The following CFAP20DC variants were observed in gnomAD, a reference collection of about 807,000 sequenced individuals.
CFAP20DC encodes the protein protein CFAP20DC.
In CFAP20DC, 84 loss-of-function variants were observed where a neutral mutation model predicts 101.7. That is an observed-to-expected ratio of 0.83 (90% confidence interval 0.69 to 0.99). The LOEUF is 0.99. CFAP20DC is among the 50% of genes least tolerant of loss of function. The probability of loss-of-function intolerance (pLI) is 0.00; values close to 1 mark genes in which losing one functional copy is unlikely to be tolerated. For synonymous variants in CFAP20DC, 359 were observed against 351.2 expected (o/e 1.02, Z -0.25); for missense variants, 1,007 against 970.3 (o/e 1.04, Z -0.50).
At chr3:58,772,051 G>T (rs964157764) in intron 15 of CFAP20DC, among the ~76,000 whole-genome samples, 3 of 152,130 alleles carry the variant, frequency 2.0e-5, no homozygotes, top group African/African-American at 7.2e-5. Context: ...AACTAAGAAG[G>T]CAGAGAAAGT....
intron 4 of CFAP20DC, among the ~76,000 whole-genome samples, chr3:58,957,349 T>C (rs2090727125): frequency 6.6e-6 from 1 of 152,094 alleles, no homozygotes. Context: ...AGATAGGCAA[T>C]AACAAATGCT....
At position 58,829,888 on chromosome 3, in the gene CFAP20DC, C is replaced by T. The variant is rs1175429385; in HGVS notation, c.2175+1798G>A. 2.0e-5 allele frequency among the ~76,000 whole-genome samples: 3 copies of T among 152,120 alleles called. No homozygotes were observed. In the South Asian group the frequency reaches 6.2e-4, roughly 32 times the overall value. ...AAGCTACTTCATGACAGAATCAGCT[C>T]GATCAGGAGGCCACTGTTCTCTTTC... is the stretch of plus-strand genomic sequence containing the variant. On this transcript the variant is annotated intron_variant, in intron 14 of 16. Coordinates refer to ENST00000482387, the MANE Select transcript of CFAP20DC (RefSeq NM_001394063.1).
At chr3:59,030,490 T>A (rs997163652) in intron 4 of CFAP20DC, among the ~76,000 whole-genome samples, 1 of 152,258 alleles carries the variant, frequency 6.6e-6, no homozygotes, top group Non-Finnish European at 1.5e-5. Flanking sequence ...CCCCATGTTA[T>A]TTAATAATTT....
intron 16 of CFAP20DC, among the ~76,000 whole-genome samples, chr3:58,743,899 C>T (rs2068022070): frequency 6.6e-6 from 1 of 152,168 alleles, no homozygotes; most frequent in African/African-American, 2.4e-5. Context: ...TTTCTCCTAA[C>T]CATCCAAAAA....
At position 58,913,792 on chromosome 3, in the gene CFAP20DC, C is replaced by A; in HGVS notation, c.466G>T (p.Asp156Tyr). Residue 156 changes from aspartate to tyrosine, a missense_variant, in exon 6 of 17, where the codon GAT becomes TAT. Asp to Tyr is a radical substitution (Grantham distance 160). Transcript: ENST00000482387. The surrounding 1 kb of genome is among the most constrained non-coding windows in gnomAD (Gnocchi z 4.4). The stretch of plus-strand genomic sequence containing the variant: ...CAGTTAGCTGAGACAACAATTCCAT[C>A]CAATGACTGGAAAACTGCCCCCTTG... The part of the protein sequence containing the change: ...IFKGAVFQSL[D>Y]GIVVSANCKL... 3.1e-6 allele frequency: 5 copies of A among 1,613,678 alleles called. No individual in the cohort carries two copies. Among genetic ancestry groups the A allele is most frequent in the Non-Finnish European group, 4.2e-6 (5 of 1,179,756 alleles).
In CFAP20DC at chr3:58,884,586, T is replaced by A; in HGVS notation, c.674A>T (p.Glu225Val). 6.2e-7 allele frequency: 1 copy of A among 1,614,040 alleles called. No homozygotes were observed. The highest frequency in any genetic ancestry group is 8.5e-7 in the Non-Finnish European group (1 of 1,179,916). ...TAGAGGATGGCCTCCGAATTTTATT[T>A]CAGTTTGGCGAAGTTTAGTCATGTT... is the stretch of plus-strand genomic sequence containing the variant. ...LLNMTKLRQT[E>V]IKFGGHPLRS... The change falls in exon 7 of 17, where the codon GAA (glutamate) becomes GTA (valine). Residue 225 changes from glutamate to valine, a missense_variant. Physicochemically the swap from Glu to Val is moderately radical, Grantham distance 121. Transcript: ENST00000482387.
chr3:58,731,612 T>C (rs565007669), intron 3 of CFAP20DC, among the ~76,000 whole-genome samples: 5 of 152,240 alleles, frequency 3.3e-5, no homozygotes, highest in Admixed American at 6.5e-5. Context: ...ATTAAATTCA[T>C]AGGTAATAAG....
intron 15 of CFAP20DC, among the ~76,000 whole-genome samples, chr3:58,761,841 G>A (rs1004063907): frequency 1.3e-5 from 2 of 152,140 alleles, no homozygotes; most frequent in African/African-American, 4.8e-5. Context: ...ATGTAGTTGA[G>A]CGGTTTTGAG....
intron 4 of CFAP20DC, among the ~76,000 whole-genome samples, chr3:58,952,610 A>G (rs536228099): frequency 4.6e-4 from 70 of 151,922 alleles, no homozygotes; most frequent in African/African-American, 1.5e-3. Context: ...CAATGTCCCA[A>G]CCTCCTTACT....
chr3:58,975,470 G>C (rs1478255334), intron 4 of CFAP20DC, among the ~76,000 whole-genome samples: 1 of 151,978 alleles, frequency 6.6e-6, no homozygotes, highest in Non-Finnish European at 1.5e-5. Flanking sequence ...TGAATTTATA[G>C]AAATATATCC....
chr3:58,836,605 G>A (rs1246073529), intron 13 of CFAP20DC, among the ~76,000 whole-genome samples: 1 of 151,982 alleles, frequency 6.6e-6, no homozygotes, highest in Non-Finnish European at 1.5e-5. Context: ...AGAGAAAACT[G>A]GGATGTTACT....
chr3:58,977,473 G>A (rs567568835), intron 4 of CFAP20DC, among the ~76,000 whole-genome samples: 99 of 152,270 alleles, frequency 6.5e-4, no homozygotes, highest in African/African-American at 2.4e-3. Context: ...AGTAACTTCT[G>A]ACATTTTAGA....
chr3:58,916,904 A>C (rs1206287493), intron 5 of CFAP20DC, among the ~76,000 whole-genome samples: 1 of 152,190 alleles, frequency 6.6e-6, no homozygotes, highest in Non-Finnish European at 1.5e-5. Context: ...TCTGAGTTAC[A>C]GCTGAACTTT....
At chr3:58,954,945 T>C (rs1191339367) in intron 4 of CFAP20DC, among the ~76,000 whole-genome samples, 2 of 151,840 alleles carry the variant, frequency 1.3e-5, no homozygotes, top group Non-Finnish European at 2.9e-5. Context: ...ATATAATTCA[T>C]TAAGGTAGCA....
At chr3:58,727,359 A>G (rs955608802) in intron 3 of CFAP20DC, 2 of 152,136 alleles carry the variant, frequency 1.3e-5, no homozygotes, top group Non-Finnish European at 2.9e-5. Flanking sequence ...TGGCTATACA[A>G]CTCTCTCAAA....
chr3:58,805,386 G>A (rs981821099), intron 15 of CFAP20DC, among the ~76,000 whole-genome samples: 2 of 152,178 alleles, frequency 1.3e-5, no homozygotes, highest in East Asian at 3.8e-4. Context: ...GAGGCCTGGC[G>A]GCCTTTGGGT....
intron 4 of CFAP20DC, among the ~76,000 whole-genome samples, chr3:59,026,333 T>C (rs1560013040): frequency 6.6e-6 from 1 of 152,204 alleles, no homozygotes; most frequent in Non-Finnish European, 1.5e-5. Context: ...TCTCAACACA[T>C]AGTTTAGAGA....
chr3:58,997,890 G>T (rs1421066547), intron 4 of CFAP20DC, among the ~76,000 whole-genome samples: 1 of 152,132 alleles, frequency 6.6e-6, no homozygotes, highest in Non-Finnish European at 1.5e-5. Context: ...GTGGGTATAG[G>T]GGGGTCCAGC....
chr3:58,975,679 T>G (rs1452129823), intron 4 of CFAP20DC, among the ~76,000 whole-genome samples: 1 of 152,246 alleles, frequency 6.6e-6, no homozygotes, highest in East Asian at 1.9e-4. Flanking sequence ...CTGCATCATT[T>G]AAAAGCAAGG....
Sources: gnomAD v4.1 joint callset for allele counts (sites outside exome capture counted in the v4.1 genomes callset) on GRCh38, gnomAD v4.1.1 for gene constraint, Gnocchi (gnomAD v3.1) non-coding constraint, MANE v1.5 for transcripts, NCBI Gene and HGNC (gene_info 2026-07-23, HGNC 2026-07-21) for gene names.